EAPP: variants seen among roughly 807,000 people sequenced by gnomAD.
EAPP encodes E2F-associated phosphoprotein.
A neutral mutation model predicts 34.3 loss-of-function variants in EAPP; 38 were observed. That is an observed-to-expected ratio of 1.11 (90% CI 0.85 to 1.45). The LOEUF is 1.45. EAPP is among the 40% of genes most tolerant of loss of function. The pLI, the probability that EAPP is intolerant of heterozygous loss-of-function variation, is 0.00. For missense variants in EAPP, 338 were observed against 343.7 expected (o/e 0.98, Z 0.13); for synonymous variants, 113 against 117.6 (o/e 0.96, Z 0.25).
chr14:34,520,420 G>C (rs1431038970), intron 5 of EAPP, among the ~76,000 whole-genome samples: 1 of 151,598 alleles, frequency 6.6e-6, no homozygotes, highest in Non-Finnish European at 1.5e-5. Context: ...ATGTTGGCCA[G>C]GCTGGCCTTG....
chr14:34,533,564 A>G, intron 2 of EAPP, 25 bp from the exon 3 acceptor site: 1 of 1,495,232 alleles, frequency 6.7e-7, no homozygotes, highest in Non-Finnish European at 9.1e-7. Flanking sequence ...AGTAAAGTTT[A>G]CAGACTAAAT....
At chr14:34,526,836 C>T (rs566169757) in intron 4 of EAPP, among the ~76,000 whole-genome samples, 7 of 151,444 alleles carry the variant, frequency 4.6e-5, no homozygotes, top group African/African-American at 1.5e-4. Flanking sequence ...AGCATCAGTG[C>T]ACTACAGTCT....
chr14:34,538,170 G>C (rs529532030), intron 1 of EAPP, among the ~76,000 whole-genome samples: 2 of 152,222 alleles, frequency 1.3e-5, no homozygotes, highest in South Asian at 4.1e-4. Context: ...CTAAGGTCAG[G>C]AGTTCAAGAC....
chr14:34,519,520 C>G (rs1879843710), intron 5 of EAPP, among the ~76,000 whole-genome samples: 1 of 148,632 alleles, frequency 6.7e-6, no homozygotes, highest in Non-Finnish European at 1.5e-5. Flanking sequence ...GGGTGACAAG[C>G]AAGACTCCCT....
intron 3 of EAPP, among the ~76,000 whole-genome samples, chr14:34,532,134 T>C (rs1880316046): frequency 6.6e-6 from 1 of 150,930 alleles, no homozygotes; most frequent in Admixed American, 6.6e-5. Flanking sequence ...ACATAGAGGC[T>C]GATTAAAAAT....
intron 2 of EAPP, among the ~76,000 whole-genome samples, chr14:34,534,412 G>A (rs764866535): frequency 1.6e-4 from 24 of 152,174 alleles, no homozygotes; most frequent in Middle Eastern, 6.8e-3. Context: ...GATTACAGGC[G>A]TGAGCCACTG....
chr14:34,524,144 C>A (rs1195193823), intron 5 of EAPP, among the ~76,000 whole-genome samples: 1 of 152,096 alleles, frequency 6.6e-6, no homozygotes, highest in Non-Finnish European at 1.5e-5. Context: ...GTAATCCCAG[C>A]ACTTTGGGAG....
chr14:34,523,252 T>A lies in EAPP; in HGVS notation c.581+1445A>T, dbSNP rs1228419664. Among the ~76,000 whole-genome samples, 24 of 151,844 alleles carry A rather than the reference T, an allele frequency of 1.6e-4. No homozygotes were observed. The East Asian group carries it at 4.7e-3, about 29-fold the overall frequency. On this transcript the variant is annotated intron_variant, in intron 5 of 5. Transcript: ENST00000250454. ...TAGAAAAGATACCTTTTTTTTTTTT[T>A]TTTGAGACGGAGTCTCGCTCTGTTG...
At chr14:34,528,820 A>G (rs1880179898) in intron 4 of EAPP, among the ~76,000 whole-genome samples, 1 of 152,030 alleles carries the variant, frequency 6.6e-6, no homozygotes, top group Non-Finnish European at 1.5e-5. Context: ...GCCTAAATTC[A>G]ACAAGTTTAA....
chr14:34,521,639 T>C (rs1307874865), intron 5 of EAPP, among the ~76,000 whole-genome samples: 2 of 150,208 alleles, frequency 1.3e-5, no homozygotes, highest in East Asian at 1.9e-4. Context: ...AGATTTCTTT[T>C]TTTTTTTTTT....
Position 34,539,695 on chromosome 14 carries a change from A to G in EAPP, c.-67T>C, listed in dbSNP as rs531856471. 3 of 1,437,222 alleles carry G rather than the reference A, an allele frequency of 2.1e-6. No individual in the cohort carries two copies. Among genetic ancestry groups the G allele is most frequent in the Non-Finnish European group, 2.8e-6 (3 of 1,083,292 alleles). The allele number at this position is 1,437,222 out of a possible 1,614,324, so 89.0% of individuals were successfully genotyped here. ...GCGTCTCTGTTTACACTGCAAGTCC[A>G]GTCCCTAAAGCGCCCCTGACGCCAC... On this transcript the variant is annotated 5_prime_UTR_variant, in exon 1 of 6. Transcript: ENST00000250454.
At chr14:34,529,058 C>G (rs988780299) in intron 4 of EAPP, among the ~76,000 whole-genome samples, 1 of 152,054 alleles carries the variant, frequency 6.6e-6, no homozygotes, top group African/African-American at 2.4e-5. Context: ...ATCTCTTGAA[C>G]GCAGGAGGCG....
At chr14:34,537,051 C>T (rs571997019) in intron 1 of EAPP, among the ~76,000 whole-genome samples, 52 of 151,892 alleles carry the variant, frequency 3.4e-4, no homozygotes, top group African/African-American at 1.2e-3. Context: ...CCCTGTGTTG[C>T]CCAGGCTGGA....
intron 3 of EAPP, among the ~76,000 whole-genome samples, chr14:34,531,353 A>AG (rs1566449604): frequency 1.3e-5 from 2 of 152,158 alleles, no homozygotes; most frequent in East Asian, 3.9e-4. Context: ...CTGTAATCCC[A>AG]GCATTTTGGA....
chr14:34,521,856 G>A (rs993161383), intron 5 of EAPP, among the ~76,000 whole-genome samples: 12 of 151,996 alleles, frequency 7.9e-5, no homozygotes, highest in Admixed American at 2.0e-4. Context: ...GGATGGTCTC[G>A]ATCTCCTGAC....
intron 3 of EAPP, among the ~76,000 whole-genome samples, chr14:34,532,360 G>C (rs1293274097): frequency 1.3e-5 from 2 of 151,944 alleles, no homozygotes; most frequent in Non-Finnish European, 2.9e-5. Flanking sequence ...TCAAGAGGCT[G>C]AGGCAGGAAA....
At position 34,536,122 on chromosome 14, in the gene EAPP, C is replaced by T; in HGVS notation, c.228G>A (p.Met76Ile). Reference sequence around the variant, plus strand: ...TTCCCAGAGAGGATAACTTGTCCTCCATTGTTTTCATGGTAGAATTTAATT... The same window carrying T: ...TTCCCAGAGAGGATAACTTGTCCTCTATTGTTTTCATGGTAGAATTTAATT... Reference protein sequence around the residue: ...EAELNSTMKTMEDKLSSLGTG... With the variant: ...EAELNSTMKTIEDKLSSLGTG... The change falls in exon 2 of 6, where the codon ATG (methionine) becomes ATA (isoleucine). Residue 76 changes from methionine (M) to isoleucine (I), a missense_variant. Transcript: ENST00000250454. The T allele has an allele frequency of 6.2e-7, 1 of 1,611,034 alleles. No homozygotes were observed. Among genetic ancestry groups the T allele is most frequent in the Non-Finnish European group, 8.5e-7 (1 of 1,179,162 alleles).
In EAPP at chr14:34,516,366, C is replaced by T. The variant is rs778390938; in HGVS notation, c.802G>A (p.Val268Ile). 1 of 1,614,086 alleles carries T rather than the reference C, an allele frequency of 6.2e-7. No individual in the cohort carries two copies. The highest frequency in any genetic ancestry group is 8.5e-7 in the Non-Finnish European group (1 of 1,180,004). Reference protein sequence around the residue: ...MCTECSTEVAVYDKDEVFHFF... With the variant: ...MCTECSTEVAIYDKDEVFHFF... ...TGAAAGACTTCATCCTTGTCGTAGA[C>T]TGCCACTTCAGTGGAACATTCAGTG... is the stretch of plus-strand genomic sequence containing the variant. Residue 268 changes from valine to isoleucine, a missense_variant, in exon 6 of 6, where the codon GTC (valine) becomes ATC (isoleucine). Transcript: ENST00000250454.
chr14:34,516,043 G>A lies in EAPP; in HGVS notation c.*267C>T, dbSNP rs1566443145. The A allele has an allele frequency of 2.8e-6, 1 of 353,706 alleles. No individual in the cohort carries two copies. The highest frequency in any genetic ancestry group is 2.1e-5 in the African/African-American group (1 of 47,580). The allele number at this position is 353,706 out of a possible 1,614,324, so 21.9% of individuals were successfully genotyped here. A position where few individuals can be genotyped will look rare whatever the true frequency, so the allele number is the denominator to read the frequency against. ...AATTCCAGAACATTTTAATTCTACA[G>A]AGCTTTAATAAAAAGCCCGACAGTT... On this transcript the variant is annotated 3_prime_UTR_variant, in exon 6 of 6. Transcript: ENST00000250454.
Sources: gnomAD v4.1 joint callset for allele counts (sites outside exome capture counted in the v4.1 genomes callset) on GRCh38, gnomAD v4.1.1 for gene constraint, MANE v1.5 for transcripts, NCBI Gene and HGNC (gene_info 2026-07-23, HGNC 2026-07-21) for gene names.